PPM1E: variants seen among roughly 807,000 people sequenced by gnomAD.
The protein encoded by PPM1E is protein phosphatase, Mg2+/Mn2+ dependent 1E, also known as protein phosphatase 1E.
PPM1E carries 20 observed loss-of-function variants against 65.9 expected under a neutral mutation model. That is an observed-to-expected ratio of 0.30 (90% CI 0.21 to 0.44). The LOEUF is 0.44. Ranked by LOEUF, PPM1E falls within the 20% of genes least tolerant of loss-of-function variation. The pLI is 1.00. For synonymous variants in PPM1E, 352 were observed against 374.9 expected, an observed-to-expected ratio of 0.94 and a Z score of 0.70; for missense variants, 713 against 953.1, an observed-to-expected ratio of 0.75 and a Z score of 3.32.
chr17:58,892,303 G>C (rs989122439), intron 1 of PPM1E, among the ~76,000 whole-genome samples: 5 of 152,178 alleles, frequency 3.3e-5, no homozygotes, highest in Non-Finnish European at 5.9e-5. Context: ...GGCCGGCATG[G>C]TGGCTCATGC....
chr17:58,760,769 C>A (rs1289990767), intron 1 of PPM1E, among the ~76,000 whole-genome samples: 1 of 152,166 alleles, frequency 6.6e-6, no homozygotes, highest in African/African-American at 2.4e-5. Context: ...CTAACATCAA[C>A]TGCAAGTTTG....
intron 1 of PPM1E, among the ~76,000 whole-genome samples, chr17:58,953,246 T>C (rs2052265478): frequency 6.6e-6 from 1 of 152,216 alleles, no homozygotes; most frequent in Non-Finnish European, 1.5e-5. Flanking sequence ...TGAAGCTGGG[T>C]AAATTATAAT....
In PPM1E at chr17:58,984,913, C is replaced by T. The variant is rs2031654128; in HGVS notation, c.*3882C>T. 1.3e-5 allele frequency: 2 copies of T among 152,638 alleles called. No homozygotes were observed. The allele number at this position is 152,638 out of a possible 1,614,324, so 9.5% of individuals were successfully genotyped here. Reference sequence around the variant, plus strand: ...CCAGATACATCATTGTAAACTCTTACTCTAGGTGCTCTTTGGTGAGAGACA... The same window carrying T: ...CCAGATACATCATTGTAAACTCTTATTCTAGGTGCTCTTTGGTGAGAGACA... On this transcript the variant is annotated 3_prime_UTR_variant, in exon 7 of 7. Coordinates refer to ENST00000308249, the MANE Select transcript of PPM1E (RefSeq NM_014906.5).
chr17:58,788,501 T>C (rs2050126602), intron 1 of PPM1E, among the ~76,000 whole-genome samples: 1 of 152,206 alleles, frequency 6.6e-6, no homozygotes, highest in Non-Finnish European at 1.5e-5. Flanking sequence ...AAGGTACATT[T>C]ACTTAGCAGA....
At chr17:58,944,984 C>A (rs941716225) in intron 1 of PPM1E, among the ~76,000 whole-genome samples, 2 of 152,116 alleles carry the variant, frequency 1.3e-5, no homozygotes, top group Non-Finnish European at 2.9e-5. Context: ...GTTGCCAACA[C>A]CTGTTATTAC....
chr17:58,857,259 G>A (rs2050892982), intron 1 of PPM1E, among the ~76,000 whole-genome samples: 2 of 151,860 alleles, frequency 1.3e-5, no homozygotes, highest in African/African-American at 4.8e-5. Context: ...TTGAATGGAA[G>A]ATTTTTTTTT....
intron 1 of PPM1E, among the ~76,000 whole-genome samples, chr17:58,878,798 G>A (rs368092739): frequency 4.9e-4 from 74 of 151,218 alleles, no homozygotes; most frequent in African/African-American, 1.8e-3. Context: ...TGGGCGTGGT[G>A]GTGCATTGCC....
intron 1 of PPM1E, among the ~76,000 whole-genome samples, chr17:58,930,940 G>A (rs1238813382): frequency 6.6e-6 from 1 of 151,844 alleles, no homozygotes; most frequent in Non-Finnish European, 1.5e-5. Flanking sequence ...GAGGCCAGGT[G>A]TGGTGGCTTA....
intron 4 of PPM1E, among the ~76,000 whole-genome samples, chr17:58,970,505 C>G (rs1194596502): frequency 6.6e-6 from 1 of 152,144 alleles, no homozygotes; most frequent in African/African-American, 2.4e-5. Flanking sequence ...TGCCCTGTGA[C>G]TTAAACATTA....
chr17:58,766,233 G>A (rs1424814848), intron 1 of PPM1E, among the ~76,000 whole-genome samples: 1 of 116,192 alleles, frequency 8.6e-6, no homozygotes. Context: ...ATGGAGTCTC[G>A]CTCTGCTGCC....
At chr17:58,802,716 T>C (rs569695707) in intron 1 of PPM1E, among the ~76,000 whole-genome samples, 6 of 152,294 alleles carry the variant, frequency 3.9e-5, no homozygotes, top group South Asian at 2.1e-4. Context: ...TTAATCAATG[T>C]TTTATAGTTT....
intron 1 of PPM1E, among the ~76,000 whole-genome samples, chr17:58,886,709 G>A (rs997875836): frequency 3.9e-5 from 6 of 152,148 alleles, no homozygotes; most frequent in Non-Finnish European, 7.3e-5. Context: ...ATACTACTAA[G>A]CAATTAAAAA....
intron 1 of PPM1E, among the ~76,000 whole-genome samples, chr17:58,902,191 G>A (rs1370762620): frequency 2.6e-5 from 4 of 152,022 alleles, no homozygotes; most frequent in African/African-American, 9.7e-5. Context: ...AGTTATAGAA[G>A]TAAGCTGTTA....
Position 58,981,165 on chromosome 17 carries a change from A to T in PPM1E, c.*134A>T, listed in dbSNP as rs1258720671. The T allele has an allele frequency of 1.5e-6, 1 of 666,906 alleles. No homozygotes were observed. The highest frequency in any genetic ancestry group is 2.8e-5 in the East Asian group (1 of 35,690). 41.3% of individuals were successfully genotyped at this position (666,906 alleles called of 1,614,324 possible). On this transcript the variant is annotated 3_prime_UTR_variant, in exon 7 of 7. Coordinates refer to ENST00000308249, the MANE Select transcript of PPM1E (RefSeq NM_014906.5). ...GATGGCTCAATTCTTAAATGTAAAT[A>T]GATCTCTAGGAAACTCAAAGTACAG...
intron 6 of PPM1E, among the ~76,000 whole-genome samples, chr17:58,973,813 G>A (rs962727544): frequency 6.6e-6 from 1 of 152,026 alleles, no homozygotes; most frequent in African/African-American, 2.4e-5. Context: ...TTAGCTGGGT[G>A]TTGTGGCACA....
At chr17:58,883,441 A>G (rs2051226567) in intron 1 of PPM1E, among the ~76,000 whole-genome samples, 1 of 148,964 alleles carries the variant, frequency 6.7e-6, no homozygotes, top group East Asian at 2.0e-4. Context: ...TTTTCCAAAT[A>G]CAGGCTTTCT....
chr17:58,932,940 C>T (rs1598658563), intron 1 of PPM1E, among the ~76,000 whole-genome samples: 1 of 152,170 alleles, frequency 6.6e-6, no homozygotes, highest in African/African-American at 2.4e-5. Context: ...TATGTTATAC[C>T]ATATTTTTAC....
chr17:58,820,364 C>G (rs1438890882), intron 1 of PPM1E, among the ~76,000 whole-genome samples: 1 of 152,174 alleles, frequency 6.6e-6, no homozygotes, highest in Admixed American at 6.5e-5. Flanking sequence ...ACCTCTCCAA[C>G]CTCCAGTTTC....
chr17:58,937,098 C>G (rs1431794148), intron 1 of PPM1E, among the ~76,000 whole-genome samples: 1 of 149,448 alleles, frequency 6.7e-6, no homozygotes, highest in Non-Finnish European at 1.5e-5. Flanking sequence ...AGATCGAGAC[C>G]ACGGTGAAAC....
Sources: allele counts gnomAD v4.1 joint callset (sites outside exome capture counted in the v4.1 genomes callset), GRCh38; gene constraint gnomAD v4.1.1; transcripts MANE v1.5; gene names NCBI Gene and HGNC (gene_info 2026-07-23, HGNC 2026-07-21).